The following ZNF683 variants were observed in gnomAD, a reference collection of about 807,000 sequenced individuals.
The protein encoded by ZNF683 is tissue-resident T-cell transcription regulator protein ZNF683.
A neutral mutation model predicts 31.4 loss-of-function variants in ZNF683; 20 were observed. That is an observed-to-expected ratio of 0.64 (90% CI 0.45 to 0.93). The LOEUF (loss-of-function observed/expected upper bound fraction) is 0.93, where lower values mean the gene tolerates loss of function less well. Among genes scored for constraint, ZNF683 ranks in the 40% least tolerant of loss-of-function variants. The pLI is 0.00. For missense variants in ZNF683, 621 were observed against 637.2 expected (o/e 0.97, Z 0.27); for synonymous variants, 264 against 267.6 (o/e 0.99, Z 0.13).
intron 5 of ZNF683, 66 bp downstream of exon 5, chr1:26,362,959 GC>G: frequency 6.6e-7 from 1 of 1,518,330 alleles, no homozygotes; most frequent in South Asian, 1.2e-5. Flanking sequence ...GCAGGTGCCA[GC>G]CCTCCAAGGG....
At chr1:26,372,540 G>A (rs2074692744) in intron 1 of ZNF683, 129 bp downstream of exon 1, 8 of 1,304,806 alleles carry the variant, frequency 6.1e-6, no homozygotes, top group Non-Finnish European at 8.1e-6. Flanking sequence ...CACACCTTTG[G>A]CTTCCATCTG....
At position 26,367,737 on chromosome 1, in the gene ZNF683, T is replaced by C; in HGVS notation, c.175A>G (p.Ser59Gly). Reference protein sequence around the residue: ...MVDAHGPSCASWLCPLPLAPG... With the variant: ...MVDAHGPSCAGWLCPLPLAPG... Reference sequence around the variant, plus strand: ...GCCAGGGGCAAGGGACACAGCCAGCTGGCACAGGATGGGCCATGAGCATCC... The same window carrying C: ...GCCAGGGGCAAGGGACACAGCCAGCCGGCACAGGATGGGCCATGAGCATCC... The change falls in exon 3 of 6, where the codon AGC (serine) becomes GGC (glycine). Residue 59 changes from serine (S) to glycine (G), a missense_variant. Transcript: ENST00000349618. The C allele has an allele frequency of 6.2e-7, 1 of 1,609,844 alleles. No homozygotes were observed. The highest frequency in any genetic ancestry group is 8.5e-7 in the Non-Finnish European group (1 of 1,177,752).
At position 26,365,033 on chromosome 1, in the gene ZNF683, A is replaced by G; in HGVS notation, c.513T>C (p.Ala171=). Residue 171 remains alanine, a synonymous_variant, in exon 4 of 6, where the codon GCT becomes GCC. Transcript: ENST00000349618. ...AGTTGACAGGGGGACAGGGGCAGAA[A>G]GCCAAGGGGCTGGGGCTCTTTCTGT... ...LQNRKSPSPL[A]FCPCPPVNSI... 6.3e-7 allele frequency: 1 copy of G among 1,592,232 alleles called. No individual in the cohort carries two copies.
At chr1:26,370,616 G>A in intron 1 of ZNF683, 4 of 978,210 alleles carry the variant, frequency 4.1e-6, no homozygotes, top group Non-Finnish European at 4.9e-6. Context: ...CGCTGCTTCA[G>A]GTCTCAAAGC....
chr1:26,361,686 T>C lies in ZNF683; in HGVS notation c.1480A>G (p.Thr494Ala). The change falls in exon 6 of 6, where the codon ACT (threonine) becomes GCT (alanine). Residue 494 changes from threonine (T) to alanine (A), a missense_variant. Transcript: ENST00000349618. The stretch of plus-strand genomic sequence containing the variant: ...TGGTCCTGCCCCATCACCAGGGGAG[T>C]CCCGGCACTGCTCAGGCTCACTGCT... ...ARAVSLSSAG[T>A]PLVMGQDQNN The C allele has an allele frequency of 6.2e-7, 1 of 1,613,688 alleles. No individual in the cohort carries two copies. The highest frequency in any genetic ancestry group is 2.2e-5 in the East Asian group (1 of 44,874).
chr1:26,365,161 G>A lies in ZNF683; in HGVS notation c.385C>T (p.Gln129Ter), dbSNP rs1055875352. Reference protein sequence around the residue: ...DDKKFTVKYPQNKDKLGKQPE... With the variant: ...DDKKFTVKYP ...TGTTTTCCCAGCTTGTCCTTGTTCT[G>A]TGGGTACTTGACTGTGAATTTCTTG... Residue 129 changes from glutamine to a stop codon, truncating the protein, a stop_gained, in exon 4 of 6, where the codon CAG becomes TAG. Coordinates refer to ENST00000349618, the MANE Select transcript of ZNF683 (RefSeq NM_001114759.3). LOFTEE classifies it high-confidence loss of function. The A allele has an allele frequency of 3.2e-5, 51 of 1,610,452 alleles. No homozygotes were observed. The highest frequency in any genetic ancestry group is 4.0e-5 in the Non-Finnish European group (47 of 1,178,500).
intron 3 of ZNF683, among the ~76,000 whole-genome samples, chr1:26,366,924 G>T (rs2074537645): frequency 6.6e-6 from 1 of 152,162 alleles, no homozygotes. Context: ...CCAAAGTGCT[G>T]GGATTACAGG....
chr1:26,364,272 C>T (rs1447806425), intron 4 of ZNF683, among the ~76,000 whole-genome samples: 5 of 152,192 alleles, frequency 3.3e-5, no homozygotes, highest in Admixed American at 1.3e-4. Context: ...CTTAGGCAAA[C>T]GCTGCCCATT....
chr1:26,374,421 C>G, upstream of ZNF683: 1 of 1,212,866 alleles, frequency 8.2e-7, no homozygotes, highest in Admixed American at 2.5e-5. Context: ...ATCCTGAAAG[C>G]TCCCTGGCTT....
rs902471644 is a variant in ZNF683, at chr1:26,367,720, C to A, written c.192G>T (p.Leu64Phe). The A allele has an allele frequency of 1.2e-6, 2 of 1,610,568 alleles. No individual in the cohort carries two copies. The highest frequency in any genetic ancestry group is 2.7e-5 in the African/African-American group (2 of 74,846). Residue 64 changes from leucine to phenylalanine, a missense_variant, in exon 3 of 6, where the codon TTG (leucine) becomes TTT (phenylalanine). Coordinates refer to ENST00000349618, the MANE Select transcript of ZNF683 (RefSeq NM_001114759.3). Reference sequence around the variant, plus strand: ...GTGCAGACCTGCCCGGTGCCAGGGGCAAGGGACACAGCCAGCTGGCACAGG... The same window carrying A: ...GTGCAGACCTGCCCGGTGCCAGGGGAAAGGGACACAGCCAGCTGGCACAGG... ...GPSCASWLCP[L>F]PLAPGRSALL...
upstream of ZNF683, chr1:26,372,879 G>T (rs189064452): frequency 2.0e-4 from 233 of 1,150,970 alleles, 1 homozygote; most frequent in African/African-American, 3.6e-3. Flanking sequence ...GGAAGGGCTT[G>T]GCAGGCAGAG....
chr1:26,371,103 G>A (rs2074659252), intron 1 of ZNF683, among the ~76,000 whole-genome samples: 1 of 152,210 alleles, frequency 6.6e-6, no homozygotes, highest in South Asian at 2.1e-4. Flanking sequence ...CAGGGAGACA[G>A]TGATGGTGAC....
At chr1:26,368,300 G>C (rs897753938) in intron 2 of ZNF683, among the ~76,000 whole-genome samples, 158 bp downstream of exon 2, 6 of 152,216 alleles carry the variant, frequency 3.9e-5, no homozygotes, top group African/African-American at 1.4e-4. Context: ...AGGGTGTCTG[G>C]CTCCTCAAAG....
At chr1:26,362,974 A>G (rs2074420856) in intron 5 of ZNF683, 52 bp downstream of exon 5, 1 of 1,549,968 alleles carries the variant, frequency 6.5e-7, no homozygotes, top group South Asian at 1.2e-5. Flanking sequence ...CCAAGGGCCT[A>G]AAACTCCTCT....
chr1:26,364,899 C>T lies in ZNF683; in HGVS notation c.647G>A (p.Cys216Tyr), dbSNP rs1441756379. 6.5e-7 allele frequency: 1 copy of T among 1,544,226 alleles called. No homozygotes were observed. The highest frequency in any genetic ancestry group is 8.7e-7 in the Non-Finnish European group (1 of 1,148,010). Residue 216 changes from cysteine (C) to tyrosine (Y), a missense_variant, in exon 4 of 6, where the codon TGT becomes TAT. Coordinates refer to ENST00000349618, the MANE Select transcript of ZNF683 (RefSeq NM_001114759.3). ...FTYGALPSDQCPHLLMLPQDP... is the reference protein window; with the variant it reads ...FTYGALPSDQYPHLLMLPQDP... The stretch of plus-strand genomic sequence containing the variant: ...TTGGGGCAGCATGAGGAGGTGGGGA[C>T]ATTGGTCAGAAGGTAGGGCCCCATA...
At chr1:26,373,882 T>A (rs1236111982), upstream of ZNF683, among the ~76,000 whole-genome samples, 1 of 152,112 alleles carries the variant, frequency 6.6e-6, no homozygotes, top group Non-Finnish European at 1.5e-5. Context: ...CATTTAGTCT[T>A]CACAATAAGC....
In ZNF683 at chr1:26,362,003, C is replaced by T. The variant is rs766587339; in HGVS notation, c.1163G>A (p.Ser388Asn). ...HKCSVCHKRFSSSSNLKTHLR... is the reference protein window; with the variant it reads ...HKCSVCHKRFNSSSNLKTHLR... The stretch of plus-strand genomic sequence containing the variant: ...GTGGGTCTTGAGGTTACTGGAGCTG[C>T]TGAAGCGCTTGTGGCACACCTGACG... The change falls in exon 6 of 6, where the codon AGC (serine) becomes AAC (asparagine). Residue 388 changes from serine to asparagine, a missense_variant. By Grantham distance (46) the Ser-to-Asn change is conservative (BLOSUM62 1). Coordinates refer to ENST00000349618, the MANE Select transcript of ZNF683 (RefSeq NM_001114759.3). 3.1e-6 allele frequency: 5 copies of T among 1,613,748 alleles called. No individual in the cohort carries two copies. Among genetic ancestry groups the T allele is most frequent in the Non-Finnish European group, 4.2e-6 (5 of 1,179,670 alleles).
chr1:26,364,714 C>T lies in ZNF683; in HGVS notation c.832G>A (p.Ala278Thr), dbSNP rs764876078. The change falls in exon 4 of 6, where the codon GCT (alanine) becomes ACT (threonine). Residue 278 changes from alanine to threonine, a missense_variant. Physicochemically the swap from Ala to Thr is moderately conservative, Grantham distance 58. Coordinates refer to ENST00000349618, the MANE Select transcript of ZNF683 (RefSeq NM_001114759.3). The stretch of plus-strand genomic sequence containing the variant: ...AGGCCTGGGGAGTCGGTTGGGGCAG[C>T]TCCAGCACCTGGATTTCGGGCCTGG... Reference protein sequence around the residue: ...PSQARNPGAGAAPTDSPGLER... With the variant: ...PSQARNPGAGTAPTDSPGLER... 10 of 1,613,950 alleles carry T rather than the reference C, an allele frequency of 6.2e-6. No homozygotes were observed. The highest frequency in any genetic ancestry group is 7.6e-6 in the Non-Finnish European group (9 of 1,179,880).
chr1:26,363,504 G>A (rs775800024), intron 4 of ZNF683, among the ~76,000 whole-genome samples: 8 of 152,246 alleles, frequency 5.3e-5, no homozygotes, highest in South Asian at 2.1e-4. Context: ...GCACACTCTC[G>A]TGGCTGTAAT....
Sources: allele counts gnomAD v4.1 joint callset (sites outside exome capture counted in the v4.1 genomes callset), GRCh38; gene constraint gnomAD v4.1.1; transcripts MANE v1.5; gene names NCBI Gene and HGNC (gene_info 2026-07-23, HGNC 2026-07-21).